Variants in PCDH11X observed in about 807,000 individuals in gnomAD.
PCDH11X encodes the protein protocadherin-11 X-linked.
PCDH11X carries 18 observed loss-of-function variants against 53.3 expected under a neutral mutation model. The ratio of observed to expected loss-of-function variants is 0.34; its 90% CI spans 0.23 to 0.50. PCDH11X has a LOEUF of 0.50. Among genes scored for constraint, PCDH11X ranks in the 20% least tolerant of loss-of-function variants. The probability of loss-of-function intolerance (pLI) is 0.98; values close to 1 mark genes in which losing one functional copy is unlikely to be tolerated. For missense variants in PCDH11X, 570 were observed against 1,032.4 expected (o/e 0.55, Z 6.14); for synonymous variants, 279 against 393.3 (o/e 0.71, Z 3.44).
rs919605201 is a variant in PCDH11X at position 92,468,257 on chromosome X, A to G, written c.3344-42A>G. 8 of 1,045,752 alleles carry G rather than the reference A, an allele frequency of 7.6e-6. No individual in the cohort carries two copies. The African/African-American group carries it at 1.5e-4, about 20-fold the overall frequency. The allele number at this position is 1,045,752 out of a possible 1,213,427, so 86.2% of individuals were successfully genotyped here. On this transcript the variant is annotated intron_variant, in intron 9 of 10. Transcript: ENST00000682573. ...TAATATAATGTTGTAGAAATAAGAG[A>G]AAATATTTATTGTGTTTAACTTTAT...
At chrX:92,350,078 G>A (rs1342174447) in intron 8 of PCDH11X, among the ~76,000 whole-genome samples, 1 of 110,828 alleles carries the variant, frequency 9.0e-6, no homozygotes, top group African/African-American at 3.3e-5. Context: ...CACTGAAGTT[G>A]TGATTGCTTT....
intron 8 of PCDH11X, among the ~76,000 whole-genome samples, chrX:92,345,593 C>T (rs2522695): frequency 4.5e-5 from 5 of 110,960 alleles, no homozygotes; most frequent in African/African-American, 9.8e-5. Flanking sequence ...TCCAGAATAA[C>T]GTTAATTTTT....
intron 6 of PCDH11X, among the ~76,000 whole-genome samples, chrX:91,959,092 G>GT (rs1181798667): frequency 1.9e-5 from 2 of 107,749 alleles, no homozygotes; most frequent in Non-Finnish European, 3.8e-5. Flanking sequence ...ATCATTTAGA[G>GT]AAGTTAAACT....
At chrX:91,916,118 C>A (rs1380624130) in intron 6 of PCDH11X, among the ~76,000 whole-genome samples, 1 of 110,946 alleles carries the variant, frequency 9.0e-6, no homozygotes, top group Non-Finnish European at 1.9e-5. Context: ...TTTAAAAATT[C>A]TTTGAGCTGA....
chrX:92,149,104 T>C (rs1304441309), intron 6 of PCDH11X, among the ~76,000 whole-genome samples: 1 of 111,140 alleles, frequency 9.0e-6, no homozygotes, highest in Non-Finnish European at 1.9e-5. Flanking sequence ...TGTATCTGTA[T>C]TGTAAAACAT....
At chrX:92,527,173 C>T (rs1180702240) in intron 10 of PCDH11X, among the ~76,000 whole-genome samples, 4 of 111,329 alleles carry the variant, frequency 3.6e-5, no homozygotes, top group Non-Finnish European at 1.9e-5. Context: ...CCCAAAAATA[C>T]AGAAAGAATA....
chrX:92,274,717 G>C (rs1036297288), intron 8 of PCDH11X, among the ~76,000 whole-genome samples: 2 of 110,647 alleles, frequency 1.8e-5, no homozygotes, highest in African/African-American at 6.6e-5. Flanking sequence ...AGATTTCCAC[G>C]ATGGAAAGGA....
In PCDH11X at chrX:92,365,546, G is replaced by A. The variant is rs2522652; in HGVS notation, c.3145-22189G>A. On this transcript the variant is annotated intron_variant, in intron 8 of 10. Transcript: ENST00000682573. ...TGTGAACCACCACACCTGGCCAGTA[G>A]GTTTGTTTATACCAGGATTGCCACA... 3.6e-5 allele frequency among the ~76,000 whole-genome samples: 4 copies of A among 110,709 alleles called. No homozygotes were observed. In the Admixed American group the frequency reaches 3.9e-4, roughly 11 times the overall value.
chrX:92,202,774 C>A (rs2066412851), intron 7 of PCDH11X, among the ~76,000 whole-genome samples: 1 of 111,715 alleles, frequency 9.0e-6, no homozygotes, highest in Non-Finnish European at 1.9e-5. Context: ...GTAATCCCAG[C>A]AGTTTGGAAG....
chrX:92,518,931 G>T (rs1242729255), intron 10 of PCDH11X, among the ~76,000 whole-genome samples: 1 of 107,543 alleles, frequency 9.3e-6, no homozygotes, highest in African/African-American at 3.4e-5. Context: ...TAATTTTTTT[G>T]TATTTTTAGT....
At position 92,027,445 on chromosome X, in the gene PCDH11X, G is replaced by GA. The variant is rs749755576; in HGVS notation, c.3033+148173dup. Among the ~76,000 whole-genome samples, 4 of 111,202 alleles carry GA rather than the reference G, an allele frequency of 3.6e-5. No individual in the cohort carries two copies. In the South Asian group the frequency reaches 1.5e-3, roughly 42 times the overall value. Reference sequence around the variant, plus strand: ...TAATTGTTTCTTAACTGAAGGATAGGAGATATGCAGAACAGTTAAATAGCC... The same window carrying GA: ...TAATTGTTTCTTAACTGAAGGATAGGAAGATATGCAGAACAGTTAAATAGCC... On this transcript the variant is annotated intron_variant, in intron 6 of 10. Coordinates refer to ENST00000682573, the MANE Select transcript of PCDH11X (RefSeq NM_032968.5).
At chrX:92,276,388 C>T (rs186111804) in intron 8 of PCDH11X, among the ~76,000 whole-genome samples, 2,054 of 109,291 alleles carry the variant, frequency 0.019, 43 homozygotes, top group African/African-American at 0.066. Context: ...GTTCCAGGGG[C>T]TCTGGGAGTG....
At chrX:92,408,994 G>T (rs910960794) in intron 9 of PCDH11X, among the ~76,000 whole-genome samples, 2 of 103,889 alleles carry the variant, frequency 1.9e-5, no homozygotes, top group African/African-American at 7.6e-5. Flanking sequence ...TATTTAGAAT[G>T]ATACAATTTA....
At chrX:91,869,140 A>G (rs895202204) in intron 5 of PCDH11X, among the ~76,000 whole-genome samples, 2 of 110,384 alleles carry the variant, frequency 1.8e-5, no homozygotes, top group African/African-American at 6.6e-5. Context: ...TTTTTCAATA[A>G]ACATTACTTT....
chrX:92,054,820 C>CAAAAAAAAAAAAAAAAA (rs1174448342), intron 6 of PCDH11X, among the ~76,000 whole-genome samples: 1 of 25,345 alleles, frequency 3.9e-5, no homozygotes, highest in African/African-American at 1.1e-4. Flanking sequence ...AACTCTGTCT[C>CAAAAAAAAAAAAAAAAA]AAAAAAAAAA....
rs753492000 is a variant in PCDH11X, at chrX:92,020,712, G to A, written c.3033+141439G>A. ...AAACAGTCAAAGTGCTTTGTTAAAC[G>A]GGTCCTGCTCCCCATGCCACCCAAC... is the stretch of plus-strand genomic sequence containing the variant. On this transcript the variant is annotated intron_variant, in intron 6 of 10. Coordinates refer to ENST00000682573, the MANE Select transcript of PCDH11X (RefSeq NM_032968.5). Among the ~76,000 whole-genome samples, 357 of 110,489 alleles carry A rather than the reference G, an allele frequency of 3.2e-3. 1 individual carries two copies. Among genetic ancestry groups the A allele is most frequent in the African/African-American group, 0.011 (333 of 30,356 alleles).
intron 10 of PCDH11X, among the ~76,000 whole-genome samples, chrX:92,527,547 G>T (rs1184590691): frequency 1.8e-5 from 2 of 110,727 alleles, no homozygotes; most frequent in African/African-American, 6.6e-5. Context: ...CTTTAGAAAG[G>T]TTATAACTTA....
At chrX:91,997,205 CTTT>C (rs1029049404) in intron 6 of PCDH11X, among the ~76,000 whole-genome samples, 2 of 108,918 alleles carry the variant, frequency 1.8e-5, no homozygotes, top group African/African-American at 3.3e-5. Context: ...ATTTGGATGT[CTTT>C]TTTTTTCTTG....
chrX:91,907,402 CACACACACACAGAG>C (rs1941206612), intron 6 of PCDH11X, among the ~76,000 whole-genome samples: 1 of 55,518 alleles, frequency 1.8e-5, no homozygotes, highest in African/African-American at 6.2e-5. Context: ...CACACACACA[CACACACACACAGAG>C]AGAGAGAGAG....
Sources: allele counts gnomAD v4.1 joint callset (sites outside exome capture counted in the v4.1 genomes callset), GRCh38; gene constraint gnomAD v4.1.1; transcripts MANE v1.5; gene names NCBI Gene and HGNC (gene_info 2026-07-23, HGNC 2026-07-21).